Variants in BMP1 observed in about 807,000 individuals in gnomAD.
The protein encoded by BMP1 is mammalian tolloid protein.
BMP1 carries 63 observed loss-of-function variants against 116.8 expected under a neutral mutation model. The ratio of observed to expected loss-of-function variants is 0.54; its 90% CI spans 0.44 to 0.67. The LOEUF (loss-of-function observed/expected upper bound fraction) is 0.67. Among genes scored for constraint, BMP1 ranks in the 30% least tolerant of loss-of-function variants. The probability of loss-of-function intolerance (pLI) is 0.00; values close to 1 mark genes in which losing one functional copy is unlikely to be tolerated. For synonymous variants in BMP1, 536 were observed against 533.4 expected (o/e 1.00, Z -0.07); for missense variants, 1,183 against 1,358.9 (o/e 0.87, Z 2.04).
intron 1 of BMP1, among the ~76,000 whole-genome samples, chr8:22,168,797 G>T (rs901047151): frequency 6.6e-6 from 1 of 152,172 alleles, no homozygotes; most frequent in African/African-American, 2.4e-5. Context: ...GCCGCAAGGG[G>T]TGAGGAAAAA....
rs765566579 is a variant in BMP1 at position 22,195,571 on chromosome 8, C to T, written c.1749C>T (p.Asp583=). The T allele has an allele frequency of 1.2e-6, 2 of 1,612,498 alleles. No individual in the cohort carries two copies. The highest frequency in any genetic ancestry group is 1.7e-6 in the Non-Finnish European group (2 of 1,179,772). ...ACCCCGGGTACGAGCTGGCCCCAGA[C>T]AAGCGCCGCTGTGAGGGTGAGTGCC... The part of the protein sequence containing the change: ...SCDPGYELAP[D]KRRCEAACGG... Residue 583 remains aspartate (D), a synonymous_variant, in exon 13 of 20, where the codon GAC becomes GAT. Coordinates refer to ENST00000306385, the MANE Select transcript of BMP1 (RefSeq NM_006129.5).
At position 22,211,897 on chromosome 8, in the gene BMP1, G is replaced by T; in HGVS notation, c.*169G>T. 6.0e-6 allele frequency: 6 copies of T among 996,204 alleles called. No individual in the cohort carries two copies. Among genetic ancestry groups the T allele is most frequent in the Non-Finnish European group, 8.7e-6 (6 of 692,910 alleles). 61.7% of individuals were successfully genotyped at this position (996,204 alleles called of 1,614,324 possible). A position where few individuals can be genotyped will look rare whatever the true frequency, so the allele number is the denominator to read the frequency against. On this transcript the variant is annotated 3_prime_UTR_variant, in exon 20 of 20. Transcript: ENST00000306385. ...ATAGGAGGTGGGGGAACTGGACTCC[G>T]GCATAAGCCACTTCCCCACAAACCC...
At chr8:22,204,207 G>A (rs1179738714) in intron 16 of BMP1, among the ~76,000 whole-genome samples, 1 of 152,316 alleles carries the variant, frequency 6.6e-6, no homozygotes, top group East Asian at 1.9e-4. Flanking sequence ...GCAGGGGGCT[G>A]TGTGAACCCA....
At position 22,173,584 on chromosome 8, in the gene BMP1, T is replaced by G; in HGVS notation, c.149-18T>G. 6.3e-7 allele frequency: 1 copy of G among 1,597,416 alleles called. No homozygotes were observed. Among genetic ancestry groups the G allele is most frequent in the Non-Finnish European group, 8.6e-7 (1 of 1,169,360 alleles). ...GTAGGAGGATTAACTCAGCCCTGGCTTCTTCTTTTCTCTTTAGCTGCCTTT... is the reference window on the plus strand; with the variant it reads ...GTAGGAGGATTAACTCAGCCCTGGCGTCTTCTTTTCTCTTTAGCTGCCTTT... On this transcript the variant is annotated intron_variant, in intron 1 of 19. Transcript: ENST00000306385.
chr8:22,170,963 G>A (rs1828259800), intron 1 of BMP1: 1 of 152,208 alleles, frequency 6.6e-6, no homozygotes, highest in Admixed American at 6.5e-5. Context: ...ACAAGCCTAA[G>A]TGTGGAGGCA....
At chr8:22,200,591 G>A (rs1286933366) in intron 15 of BMP1, among the ~76,000 whole-genome samples, 1 of 152,164 alleles carries the variant, frequency 6.6e-6, no homozygotes, top group East Asian at 1.9e-4. Flanking sequence ...TGTGTGGGTA[G>A]TGTGTACCGT....
At position 22,211,578 on chromosome 8, in the gene BMP1, C is replaced by T; in HGVS notation, c.2827-16C>T. 2 of 1,614,152 alleles carry T rather than the reference C, an allele frequency of 1.2e-6. No individual in the cohort carries two copies. Among genetic ancestry groups the T allele is most frequent in the Non-Finnish European group, 1.7e-6 (2 of 1,180,000 alleles). Reference sequence around the variant, plus strand: ...CCCCTCTTCCTCCACCTTACCCCATCTCTTTTCTCTGCCAGCCTCCTGAGG... The same window carrying T: ...CCCCTCTTCCTCCACCTTACCCCATTTCTTTTCTCTGCCAGCCTCCTGAGG... On this transcript the variant is annotated splice_polypyrimidine_tract_variant and intron_variant, in intron 19 of 19. Transcript: ENST00000306385.
At chr8:22,168,213 G>C (rs7835749) in intron 1 of BMP1, among the ~76,000 whole-genome samples, 4,066 of 152,230 alleles carry the variant, frequency 0.027, 167 homozygotes, top group African/African-American at 0.092. Context: ...AGGAAGGCAG[G>C]CTGGTCTGTT....
At position 22,194,533 on chromosome 8, in the gene BMP1, C is replaced by G; in HGVS notation, c.1386C>G (p.Ile462Met). The change falls in exon 11 of 20, where the codon ATC becomes ATG. Residue 462 changes from isoleucine (I) to methionine (M), a missense_variant. Transcript: ENST00000306385. The surrounding 1 kb of genome is among the most constrained non-coding windows in gnomAD (Gnocchi z 4.5). ...ATTACCGGCCCAGCAAAGTCTGCAT[C>G]TGGCGGATCCAGGTGTCTGAGGGCT... ...PDDYRPSKVC[I>M]WRIQVSEGFH... The G allele has an allele frequency of 6.2e-7, 1 of 1,614,218 alleles. No individual in the cohort carries two copies. Among genetic ancestry groups the G allele is most frequent in the South Asian group, 1.1e-5 (1 of 91,090 alleles).
chr8:22,176,249 G>C lies in BMP1; in HGVS notation c.369G>C (p.Thr123=), dbSNP rs780936783. Reference sequence around the variant, plus strand: ...GATCCCGTAGCCGGCGGGCGGCGACGTCCCGACCAGAGCGTGTGTGGCCCG... The same window carrying C: ...GATCCCGTAGCCGGCGGGCGGCGACCTCCCGACCAGAGCGTGTGTGGCCCG... The part of the protein sequence containing the change: ...RGRSRSRRAA[T]SRPERVWPDG... The change falls in exon 3 of 20, where the codon ACG becomes ACC. Residue 123 remains threonine (T), a synonymous_variant. Transcript: ENST00000306385. The C allele has an allele frequency of 5.0e-6, 8 of 1,613,746 alleles. No individual in the cohort carries two copies. The highest frequency in any genetic ancestry group is 5.1e-6 in the Non-Finnish European group (6 of 1,179,852).
At chr8:22,191,144 G>T (rs1050879012) in intron 8 of BMP1, among the ~76,000 whole-genome samples, 1 of 152,208 alleles carries the variant, frequency 6.6e-6, no homozygotes, top group African/African-American at 2.4e-5. Flanking sequence ...AGCCTGAAAT[G>T]AGGTGCTCAG....
chr8:22,198,614 C>G (rs375667160), intron 15 of BMP1: 1 of 155,976 alleles, frequency 6.4e-6, no homozygotes, highest in Non-Finnish European at 1.4e-5. Flanking sequence ...CCTGCTGGGC[C>G]GGACAGGGGA....
intron 9 of BMP1, among the ~76,000 whole-genome samples, chr8:22,193,102 T>G (rs947475556): frequency 6.6e-6 from 1 of 152,226 alleles, no homozygotes; most frequent in Non-Finnish European, 1.5e-5. Context: ...CCTTGCTGAA[T>G]GTTGGGAAAC....
intron 19 of BMP1, among the ~76,000 whole-genome samples, chr8:22,210,023 C>T (rs1044902069): frequency 6.6e-6 from 1 of 152,282 alleles, no homozygotes; most frequent in Non-Finnish European, 1.5e-5. Context: ...TACCCCTCCC[C>T]CAAGGCAGCC....
intron 7 of BMP1, among the ~76,000 whole-genome samples, 197 bp from the exon 8 acceptor site, chr8:22,180,171 G>A (rs1021003707): frequency 1.2e-4 from 19 of 152,108 alleles, no homozygotes; most frequent in African/African-American, 2.4e-5. Flanking sequence ...GCAGCACTGG[G>A]CTGGGAGGTA....
chr8:22,176,059 A>G lies in BMP1; in HGVS notation c.263-84A>G, dbSNP rs566269652. On this transcript the variant is annotated intron_variant, in intron 2 of 19. Transcript: ENST00000306385. Reference sequence around the variant, plus strand: ...CAGTAGACAAATTTGCAAGCACAGAATCCATGAAAAATGAGGTTTGACTAT... The same window carrying G: ...CAGTAGACAAATTTGCAAGCACAGAGTCCATGAAAAATGAGGTTTGACTAT... 6.7e-5 allele frequency: 96 copies of G among 1,432,620 alleles called. No homozygotes were observed. The Middle Eastern group carries it at 8.9e-4, about 13-fold the overall frequency. The allele number at this position is 1,432,620 out of a possible 1,614,324, so 88.7% of individuals were successfully genotyped here. A position where few individuals can be genotyped will look rare whatever the true frequency, so the allele number is the denominator to read the frequency against.
At position 22,211,753 on chromosome 8, in the gene BMP1, C is replaced by G. The variant is rs746907534; in HGVS notation, c.*25C>G. ...ACCACTGCCTGAGCAGGGGCGGGGACTGGAGCCTGCTGCCCTTGGTCGCCT... is the reference window on the plus strand; with the variant it reads ...ACCACTGCCTGAGCAGGGGCGGGGAGTGGAGCCTGCTGCCCTTGGTCGCCT... On this transcript the variant is annotated 3_prime_UTR_variant, in exon 20 of 20. Transcript: ENST00000306385. The G allele has an allele frequency of 3.1e-6, 5 of 1,613,990 alleles. No homozygotes were observed. In the Admixed American group the frequency reaches 8.3e-5, roughly 27 times the overall value.
At chr8:22,182,405 C>G (rs1414031919) in intron 8 of BMP1, among the ~76,000 whole-genome samples, 1 of 152,214 alleles carries the variant, frequency 6.6e-6, no homozygotes, top group Non-Finnish European at 1.5e-5. Context: ...AGTTATTACA[C>G]CAGTTATGAT....
Position 22,176,547 on chromosome 8 carries a change from G to C in BMP1, c.448G>C (p.Val150Leu). ...GGNFTGSQRA[V>L]FRQAMRHWEK... ...CCTCCTGGCAGGTAGCCAGAGGGCAGTCTTCCGGCAGGCCATGAGGCACTG... is the reference window on the plus strand; with the variant it reads ...CCTCCTGGCAGGTAGCCAGAGGGCACTCTTCCGGCAGGCCATGAGGCACTG... Residue 150 changes from valine (V) to leucine (L), a missense_variant, in exon 4 of 20, where the codon GTC becomes CTC. This residue lies in a region of BMP1 where 40 missense variants were observed against 47.5 expected (regional missense o/e 0.84). Transcript: ENST00000306385. 1 of 1,614,214 alleles carries C rather than the reference G, an allele frequency of 6.2e-7. No individual in the cohort carries two copies.
Sources: gnomAD v4.1 joint callset for allele counts (sites outside exome capture counted in the v4.1 genomes callset) on GRCh38, gnomAD v4.1.1 for gene constraint, gnomAD v4.1.1 regional missense constraint, Gnocchi (gnomAD v3.1) non-coding constraint, MANE v1.5 for transcripts, NCBI Gene and HGNC (gene_info 2026-07-23, HGNC 2026-07-21) for gene names.